The following FGF14 variants were observed in gnomAD, a reference collection of about 807,000 sequenced individuals.
FGF14 encodes the protein fibroblast growth factor 14.
In FGF14, 5 loss-of-function variants were observed where a neutral mutation model predicts 25.5. That is an observed-to-expected ratio of 0.20 (90% confidence interval 0.10 to 0.41). The LOEUF (loss-of-function observed/expected upper bound fraction) is 0.41, where lower values mean the gene tolerates loss of function less well. FGF14 is among the 10% of genes least tolerant of loss of function. The pLI is 1.00. For synonymous variants in FGF14, 138 were observed against 118.3 expected, an observed-to-expected ratio of 1.17 and a Z score of -1.08; for missense variants, 222 against 320.1, an observed-to-expected ratio of 0.69 and a Z score of 2.34.
At chr13:102,153,570 C>T (rs572796749) in intron 1 of FGF14, among the ~76,000 whole-genome samples, 10 of 152,218 alleles carry the variant, frequency 6.6e-5, no homozygotes, top group African/African-American at 1.9e-4. Context: ...TAAACAATTA[C>T]CATTTTGAGA....
At chr13:102,068,482 G>A (rs547059771) in intron 1 of FGF14, among the ~76,000 whole-genome samples, 3 of 152,316 alleles carry the variant, frequency 2.0e-5, no homozygotes, top group East Asian at 3.9e-4. Context: ...AGGGAGAGGC[G>A]CGAGCGGGAA....
chr13:102,292,235 T>C (rs2054445403), intron 1 of FGF14: 1 of 141,210 alleles, frequency 7.1e-6, no homozygotes, highest in Non-Finnish European at 1.5e-5. Context: ...TGAGAGGATG[T>C]CTCATTTTAC....
In FGF14 at chr13:102,194,387, T is replaced by G. The variant is rs1400441905; in HGVS notation, c.208+207084A>C. ...ACATATCAACCCGTCACCTAGGTAT[T>G]AAGCCCCACATGCATTAGCTATTTA... On this transcript the variant is annotated intron_variant, in intron 1 of 4. Coordinates refer to the FGF14 transcript ENST00000376131. 2.0e-5 allele frequency among the ~76,000 whole-genome samples: 3 copies of G among 151,898 alleles called. No homozygotes were observed. The East Asian group carries it at 5.8e-4, about 29-fold the overall frequency.
intron 1 of FGF14, among the ~76,000 whole-genome samples, chr13:102,215,648 C>A (rs1291039203): frequency 1.3e-5 from 2 of 152,176 alleles, no homozygotes. Context: ...CCACAGCCCA[C>A]AACCATATTT....
At chr13:102,036,745 C>T (rs974516836) in intron 1 of FGF14, among the ~76,000 whole-genome samples, 2 of 152,088 alleles carry the variant, frequency 1.3e-5, no homozygotes, top group Admixed American at 6.6e-5. Flanking sequence ...AACAACACAT[C>T]ACACCTTGGG....
At position 102,082,560 on chromosome 13, in the gene FGF14, C is replaced by T. The variant is rs1595208031; in HGVS notation, c.209-207264G>A. On this transcript the variant is annotated intron_variant, in intron 1 of 4. Coordinates refer to the FGF14 transcript ENST00000376131. The stretch of plus-strand genomic sequence containing the variant: ...AAATGCAAAACTGAAAGATACAAAA[C>T]ATGAAAATGGGGCCAACACTCGGCA... 2.6e-5 allele frequency among the ~76,000 whole-genome samples: 4 copies of T among 152,266 alleles called. No individual in the cohort carries two copies. The South Asian group carries it at 8.3e-4, about 32-fold the overall frequency.
At chr13:102,062,536 AAACT>A (rs961260751) in intron 1 of FGF14, among the ~76,000 whole-genome samples, 100 of 152,278 alleles carry the variant, frequency 6.6e-4, no homozygotes, top group African/African-American at 2.3e-3. Context: ...ATGAAAAACA[AAACT>A]AACATCAAAA....
chr13:102,035,237 A>C (rs2041412491), intron 1 of FGF14, among the ~76,000 whole-genome samples: 1 of 152,142 alleles, frequency 6.6e-6, no homozygotes, highest in African/African-American at 2.4e-5. Flanking sequence ...ATCTGGGGTG[A>C]GCATAGAAAG....
chr13:101,919,139 T>C (rs942089599), upstream of FGF14, among the ~76,000 whole-genome samples: 1 of 152,154 alleles, frequency 6.6e-6, no homozygotes, highest in African/African-American at 2.4e-5. Context: ...TAAATGGCTA[T>C]TGAGTGTGTC....
chr13:102,135,638 T>G (rs1002508771), intron 1 of FGF14, among the ~76,000 whole-genome samples: 1 of 152,148 alleles, frequency 6.6e-6, no homozygotes, highest in African/African-American at 2.4e-5. Flanking sequence ...CATGTGGGAT[T>G]TGAAGTGCAA....
chr13:102,157,190 A>G (rs756674146), intron 1 of FGF14, among the ~76,000 whole-genome samples: 3 of 152,162 alleles, frequency 2.0e-5, no homozygotes, highest in African/African-American at 4.8e-5. Context: ...AAAAGAGCCC[A>G]CATTTCCAAG....
intron 1 of FGF14, among the ~76,000 whole-genome samples, chr13:102,053,821 A>G (rs975701391): frequency 2.6e-5 from 4 of 152,140 alleles, no homozygotes; most frequent in African/African-American, 9.7e-5. Context: ...TAAAAAGTGA[A>G]TAGAACTTAA....
intron 1 of FGF14, among the ~76,000 whole-genome samples, chr13:102,068,831 A>G (rs2043023985): frequency 6.6e-6 from 1 of 152,154 alleles, no homozygotes; most frequent in African/African-American, 2.4e-5. Context: ...GCCCAGTCCC[A>G]TCAACCACCC....
At chr13:101,802,968 G>T (rs2040972344) in intron 3 of FGF14, among the ~76,000 whole-genome samples, 1 of 152,082 alleles carries the variant, frequency 6.6e-6, no homozygotes, top group Non-Finnish European at 1.5e-5. Context: ...TGTGAGGCTG[G>T]ACCTGCTGCC....
At chr13:101,934,143 A>C (rs2034948207) in intron 1 of FGF14, among the ~76,000 whole-genome samples, 1 of 152,234 alleles carries the variant, frequency 6.6e-6, no homozygotes. Flanking sequence ...GTTGTTGCTA[A>C]ATTAGAAAGC....
Position 101,957,669 on chromosome 13 carries a change from G to A in FGF14, c.209-82373C>T, listed in dbSNP as rs571801711. Among the ~76,000 whole-genome samples, 16 of 152,252 alleles carry A rather than the reference G, an allele frequency of 1.1e-4. No homozygotes were observed. In the South Asian group the frequency reaches 3.1e-3, roughly 30 times the overall value. On this transcript the variant is annotated intron_variant, in intron 1 of 4. Coordinates refer to the FGF14 transcript ENST00000376131. ...CATCCATTTTGGCCTATTATGATTA[G>A]AGCTCATCTTTTCCATCCACCCTAA...
Position 102,109,207 on chromosome 13 carries a change from A to T in FGF14, c.209-233911T>A, listed in dbSNP as rs143472674. 3.8e-3 allele frequency among the ~76,000 whole-genome samples: 579 copies of T among 152,312 alleles called. 8 individuals are homozygous for T. The highest frequency in any genetic ancestry group is 0.03 in the Admixed American group (462 of 15,298). On this transcript the variant is annotated intron_variant, in intron 1 of 4. Coordinates refer to the FGF14 transcript ENST00000376131. The stretch of plus-strand genomic sequence containing the variant: ...CAATTATAATTAAAGTTAAAATCAT[A>T]AGATTTTCAGGAAAATCTCATGGAA...
intron 1 of FGF14, among the ~76,000 whole-genome samples, chr13:102,163,510 T>C (rs1279597242): frequency 6.6e-6 from 1 of 152,092 alleles, no homozygotes; most frequent in Admixed American, 6.6e-5. Context: ...ATGAATACGA[T>C]GAACTTAAGA....
intron 1 of FGF14, among the ~76,000 whole-genome samples, chr13:101,895,831 T>G (rs1223554056): frequency 6.6e-6 from 1 of 152,204 alleles, no homozygotes; most frequent in Non-Finnish European, 1.5e-5. Context: ...CTCACGTATT[T>G]TTTTTACGTA....
Sources: allele counts gnomAD v4.1 joint callset (sites outside exome capture counted in the v4.1 genomes callset), GRCh38; gene constraint gnomAD v4.1.1; transcripts MANE v1.5; gene names NCBI Gene and HGNC (gene_info 2026-07-23, HGNC 2026-07-21).